Variants in CDKL3 observed in about 807,000 individuals in gnomAD.
CDKL3 encodes the protein cyclin dependent kinase like 3.
CDKL3 carries 65 observed loss-of-function variants against 69.3 expected under a neutral mutation model. The ratio of observed to expected loss-of-function variants is 0.94; its 90% CI spans 0.77 to 1.15. The LOEUF is 1.15. Among genes scored for constraint, CDKL3 ranks in the 50% most tolerant of loss-of-function variants. The probability of loss-of-function intolerance (pLI) is 0.00; values close to 1 mark genes in which losing one functional copy is unlikely to be tolerated. For missense variants in CDKL3, 652 were observed against 689.2 expected (o/e 0.95, Z 0.61); for synonymous variants, 202 against 221.6 (o/e 0.91, Z 0.79).
chr5:134,317,285 G>A (rs1297155519), intron 6 of CDKL3, among the ~76,000 whole-genome samples: 2 of 151,908 alleles, frequency 1.3e-5, no homozygotes, highest in East Asian at 1.9e-4. Flanking sequence ...ACAGGTGCAC[G>A]CCACCACGCC....
At chr5:134,346,519 G>A (rs553158971) in intron 4 of CDKL3, among the ~76,000 whole-genome samples, 4 of 152,036 alleles carry the variant, frequency 2.6e-5, no homozygotes, top group Non-Finnish European at 4.4e-5. Flanking sequence ...TTTTTGAGAC[G>A]GAGTTTCGCT....
At position 134,319,324 on chromosome 5, in the gene CDKL3, T is replaced by C. The variant is rs1433722213; in HGVS notation, c.792+34A>G. The C allele has an allele frequency of 5.4e-6, 8 of 1,469,502 alleles. No homozygotes were observed. In the African/African-American group the frequency reaches 8.8e-5, roughly 16 times the overall value. 91.0% of individuals were successfully genotyped at this position (1,469,502 alleles called of 1,614,324 possible). A position where few individuals can be genotyped will look rare whatever the true frequency, so the allele number is the denominator to read the frequency against. ...CAGCCTGGGCGACAGAGCAAGACTC[T>C]GTCTCCGGGGGAGGAAAAAAAAAAA... On this transcript the variant is annotated intron_variant, in intron 6 of 12. Coordinates refer to ENST00000265334, the MANE Select transcript of CDKL3 (RefSeq NM_001113575.2).
chr5:134,301,756 G>A (rs1212995504), intron 12 of CDKL3, among the ~76,000 whole-genome samples: 2 of 151,950 alleles, frequency 1.3e-5, no homozygotes, highest in Non-Finnish European at 2.9e-5. Context: ...GTGTGGTGGC[G>A]TGTGCCTGTA....
chr5:134,363,977 AAG>A lies in CDKL3; in HGVS notation c.165+2380_165+2381del, dbSNP rs774547186. Among the ~76,000 whole-genome samples the A allele has an allele frequency of 7.0e-4, 84 of 119,310 alleles. 1 individual carries two copies. Among genetic ancestry groups the A allele is most frequent in the African/African-American group, 2.8e-3 (81 of 28,848 alleles). The allele number at this position is 119,310 out of a possible 152,430, so 78.3% of individuals were successfully genotyped here. A position where few individuals can be genotyped will look rare whatever the true frequency, so the allele number is the denominator to read the frequency against. On this transcript the variant is annotated intron_variant, in intron 2 of 12. Coordinates refer to ENST00000265334, the MANE Select transcript of CDKL3 (RefSeq NM_001113575.2). ...TTTCTTAAAAAAAAAAAAAAAAAAA[AAG>A]AGAGAGAAAGAAGGCAAATTGATCC...
At chr5:134,357,507 T>G (rs1375629224) in intron 3 of CDKL3, among the ~76,000 whole-genome samples, 1 of 152,004 alleles carries the variant, frequency 6.6e-6, no homozygotes, top group Non-Finnish European at 1.5e-5. Flanking sequence ...GGCAGGAGCC[T>G]GTAATCCCAG....
chr5:134,347,267 T>C (rs538919440), intron 4 of CDKL3, among the ~76,000 whole-genome samples: 4 of 150,794 alleles, frequency 2.7e-5, no homozygotes, highest in African/African-American at 9.7e-5. Context: ...AGCAAAGACA[T>C]GGAGACACTG....
intron 3 of CDKL3, among the ~76,000 whole-genome samples, chr5:134,353,361 G>T (rs866388923): frequency 1.3e-5 from 2 of 151,864 alleles, no homozygotes; most frequent in Non-Finnish European, 2.9e-5. Context: ...AGAAACCAAG[G>T]GCATTTTTCT....
At chr5:134,360,750 C>A (rs962116913) in intron 2 of CDKL3, among the ~76,000 whole-genome samples, 1 of 151,972 alleles carries the variant, frequency 6.6e-6, no homozygotes, top group Non-Finnish European at 1.5e-5. Context: ...ATTTAAAAGG[C>A]CCTTATGTTT....
At chr5:134,289,939 G>A (rs1765048381) in intron 8 of CDKL3, among the ~76,000 whole-genome samples, 1 of 151,984 alleles carries the variant, frequency 6.6e-6, no homozygotes, top group South Asian at 2.1e-4. Flanking sequence ...TTTTCCTCAA[G>A]TGACTTACTA....
intron 8 of CDKL3, among the ~76,000 whole-genome samples, chr5:134,289,811 C>T (rs1447784795): frequency 6.6e-6 from 1 of 152,118 alleles, no homozygotes; most frequent in African/African-American, 2.4e-5. Context: ...GACCATGTAA[C>T]AGCTACTGGA....
At chr5:134,369,375 CAGG>C (rs1466596158), upstream of CDKL3, among the ~76,000 whole-genome samples, 1 of 152,290 alleles carries the variant, frequency 6.6e-6, no homozygotes, top group South Asian at 2.1e-4. Flanking sequence ...GTTGGTGGGT[CAGG>C]AGGACTCTGA....
intron 4 of CDKL3, among the ~76,000 whole-genome samples, chr5:134,337,073 C>A (rs1299551395): frequency 6.6e-6 from 1 of 152,212 alleles, no homozygotes; most frequent in Non-Finnish European, 1.5e-5. Context: ...CCCCTCCCCC[C>A]ACCAAGCTCC....
intron 2 of CDKL3, among the ~76,000 whole-genome samples, chr5:134,363,664 T>G (rs1756621285): frequency 1.3e-5 from 2 of 151,806 alleles, no homozygotes; most frequent in South Asian, 4.1e-4. Flanking sequence ...TTTCACCATG[T>G]TGCCCAGGCT....
intron 9 of CDKL3, 109 bp downstream of exon 9, chr5:134,308,029 A>T: frequency 7.0e-7 from 1 of 1,432,464 alleles, no homozygotes; most frequent in Non-Finnish European, 9.2e-7. Context: ...TAATTTCAAT[A>T]TATTTTCTTC....
chr5:134,290,673 G>A (rs1009164754), intron 8 of CDKL3, among the ~76,000 whole-genome samples: 1 of 152,066 alleles, frequency 6.6e-6, no homozygotes, highest in Non-Finnish European at 1.5e-5. Context: ...GTTTTGGGCA[G>A]AGCAATGACA....
At chr5:134,361,257 G>GTT (rs202216818) in intron 2 of CDKL3, among the ~76,000 whole-genome samples, 10 of 140,194 alleles carry the variant, frequency 7.1e-5, no homozygotes. Flanking sequence ...GTTTTTTTTT[G>GTT]TTTTTTTTTT....
intron 6 of CDKL3, among the ~76,000 whole-genome samples, chr5:134,315,240 G>T (rs1018011066): frequency 7.9e-5 from 12 of 151,492 alleles, no homozygotes; most frequent in Admixed American, 7.9e-4. Context: ...TGCAAGTTTT[G>T]CAAACATATT....
upstream of CDKL3, among the ~76,000 whole-genome samples, chr5:134,369,836 C>G (rs1758159883): frequency 2.0e-5 from 3 of 152,132 alleles, no homozygotes; most frequent in Admixed American, 1.3e-4. Flanking sequence ...AGCTAATGCC[C>G]CAGCTCATGA....
chr5:134,312,381 C>A lies in CDKL3; in HGVS notation c.793-1G>T. 1 of 1,563,968 alleles carries A rather than the reference C, an allele frequency of 6.4e-7. No homozygotes were observed. ...CAGCAGGATCAATTTGTAAACAAGC[C>A]TAGGAAAGGAAAAAGATTTTAATAA... On this transcript the variant is annotated splice_acceptor_variant, in intron 6 of 12. Coordinates refer to ENST00000265334, the MANE Select transcript of CDKL3 (RefSeq NM_001113575.2). LOFTEE classifies it high-confidence loss of function.
Sources: allele counts gnomAD v4.1 joint callset (sites outside exome capture counted in the v4.1 genomes callset), GRCh38; gene constraint gnomAD v4.1.1; transcripts MANE v1.5; gene names NCBI Gene and HGNC (gene_info 2026-07-23, HGNC 2026-07-21).